SLC26A8: variants seen among roughly 807,000 people sequenced by gnomAD.
The protein encoded by SLC26A8 is testis anion transporter 1.
Under a neutral mutation model 105.0 loss-of-function variants are expected in SLC26A8, and 70 were observed. The observed-to-expected ratio is 0.67, with a 90% CI of 0.55 to 0.81. The LOEUF (loss-of-function observed/expected upper bound fraction) is 0.81, where lower values mean the gene tolerates loss of function less well. SLC26A8 is among the 40% of genes least tolerant of loss of function. SLC26A8 has a pLI of 0.00. For synonymous variants in SLC26A8, 415 were observed against 438.3 expected (o/e 0.95, Z 0.66); for missense variants, 998 against 1,181.8 (o/e 0.84, Z 2.28).
In SLC26A8 at chr6:35,981,216, A is replaced by G. The variant is rs1307358604; in HGVS notation, c.1025+905T>C. Among the ~76,000 whole-genome samples the G allele has an allele frequency of 1.3e-5, 2 of 152,214 alleles. No homozygotes were observed. The highest frequency in any genetic ancestry group is 2.9e-5 in the Non-Finnish European group (2 of 68,030). On this transcript the variant is annotated intron_variant, in intron 8 of 19. Coordinates refer to ENST00000490799, the MANE Select transcript of SLC26A8 (RefSeq NM_052961.4). This position sits in a 1 kb window ranked among gnomAD's most constrained non-coding sequence, Gnocchi z 4.0. The stretch of plus-strand genomic sequence containing the variant: ...TTAAAAAAAATAATTTCCTAACAGA[A>G]GCAAGAGCCATGCCTCATAGTCACT...
chr6:35,944,347 T>C lies in SLC26A8; in HGVS notation c.2473-7A>G. On this transcript the variant is annotated splice_polypyrimidine_tract_variant and splice_region_variant and intron_variant, in intron 19 of 19. Transcript: ENST00000490799. ...TATATCTTGAATTGTCATTCTGAAA[T>C]ACAATTAGGTGGGTTAAAATTTCTA... 1 of 1,576,544 alleles carries C rather than the reference T, an allele frequency of 6.3e-7. No individual in the cohort carries two copies. The highest frequency in any genetic ancestry group is 8.7e-7 in the Non-Finnish European group (1 of 1,147,740).
chr6:35,988,202 T>A (rs1773608416), intron 7 of SLC26A8, among the ~76,000 whole-genome samples: 2 of 152,182 alleles, frequency 1.3e-5, no homozygotes, highest in South Asian at 4.1e-4. Flanking sequence ...TGAGCCACCG[T>A]GCCCGGCCCC....
chr6:36,023,365 A>G (rs1762174464), intron 1 of SLC26A8, among the ~76,000 whole-genome samples: 1 of 152,086 alleles, frequency 6.6e-6, no homozygotes, highest in South Asian at 2.1e-4. Context: ...CCTGGCCAAC[A>G]TGGTGAAACC....
intron 16 of SLC26A8, 76 bp downstream of exon 16, chr6:35,959,384 T>G: frequency 6.8e-7 from 1 of 1,480,690 alleles, no homozygotes; most frequent in East Asian, 2.4e-5. Context: ...GGTTTTGATT[T>G]TTTTTTTAAG....
chr6:35,949,540 A>AT, intron 19 of SLC26A8, among the ~76,000 whole-genome samples: 1 of 152,256 alleles, frequency 6.6e-6, no homozygotes, highest in East Asian at 1.9e-4. Flanking sequence ...AATCTAGAAA[A>AT]TGTGTCTTAT....
intron 3 of SLC26A8, among the ~76,000 whole-genome samples, chr6:36,004,874 C>A (rs905690741): frequency 6.7e-6 from 1 of 148,642 alleles, no homozygotes; most frequent in Non-Finnish European, 1.5e-5. Flanking sequence ...CCATGTTGCC[C>A]AGTCTGGTCT....
intron 3 of SLC26A8, among the ~76,000 whole-genome samples, chr6:36,001,691 T>C (rs1761528293): frequency 6.6e-6 from 1 of 152,244 alleles, no homozygotes; most frequent in Non-Finnish European, 1.5e-5. Flanking sequence ...GTTTAATGCT[T>C]TGCTGTCACT....
chr6:36,023,474 G>C (rs1762177429), intron 1 of SLC26A8, among the ~76,000 whole-genome samples: 1 of 149,812 alleles, frequency 6.7e-6, no homozygotes, highest in African/African-American at 2.5e-5. Context: ...TTGAACCTAG[G>C]AGGCAGAGGT....
In SLC26A8 at chr6:35,962,725, T is replaced by C. The variant is rs1452033738; in HGVS notation, c.1366-104A>G. On this transcript the variant is annotated intron_variant, in intron 11 of 19. Coordinates refer to ENST00000490799, the MANE Select transcript of SLC26A8 (RefSeq NM_052961.4). ...AAGTTAGCCTTGCCACTTTGAGATA[T>C]TTTGCATTGATATTTTATATGAATA... The C allele has an allele frequency of 5.2e-6, 5 of 967,276 alleles. No individual in the cohort carries two copies. The East Asian group carries it at 1.0e-4, about 19-fold the overall frequency. The allele number at this position is 967,276 out of a possible 1,614,324, so 59.9% of individuals were successfully genotyped here.
chr6:35,974,769 T>A (rs1772930896), intron 10 of SLC26A8, among the ~76,000 whole-genome samples: 1 of 152,178 alleles, frequency 6.6e-6, no homozygotes, highest in African/African-American at 2.4e-5. Context: ...CGGAATCTCA[T>A]TCTGCCACCC....
chr6:35,944,528 A>T (rs533050353), intron 19 of SLC26A8, among the ~76,000 whole-genome samples, 188 bp from the exon 20 acceptor site: 24 of 144,572 alleles, frequency 1.7e-4, no homozygotes, highest in East Asian at 8.0e-4. Context: ...TAATAATTAT[A>T]ATTATTATAT....
Position 35,960,908 on chromosome 6 carries a change from T to G in SLC26A8, c.1573A>C (p.Lys525Gln). ...FITTVRSHRA[K>Q]ILLLGQIPNT... Reference sequence around the variant, plus strand: ...GGGATTTGACCCAGGAGAAGAATCTTAGCTCTGAAAGGAAATGCACTTGCC... The same window carrying G: ...GGGATTTGACCCAGGAGAAGAATCTGAGCTCTGAAAGGAAATGCACTTGCC... Residue 525 changes from lysine (K) to glutamine (Q), a missense_variant, in exon 14 of 20, where the codon AAG becomes CAG. By Grantham distance (53) the Lys-to-Gln change is moderately conservative (BLOSUM62 1). Coordinates refer to ENST00000490799, the MANE Select transcript of SLC26A8 (RefSeq NM_052961.4). The G allele has an allele frequency of 6.2e-7, 1 of 1,614,186 alleles. No individual in the cohort carries two copies. The highest frequency in any genetic ancestry group is 8.5e-7 in the Non-Finnish European group (1 of 1,180,040).
intron 11 of SLC26A8, among the ~76,000 whole-genome samples, chr6:35,963,409 G>A (rs952300782): frequency 6.6e-6 from 1 of 152,102 alleles, no homozygotes; most frequent in Admixed American, 6.5e-5. Context: ...CTAAGCTCCC[G>A]CCTTAAGGTC....
chr6:35,975,419 T>A lies in SLC26A8; in HGVS notation c.1243A>T (p.Ile415Phe), dbSNP rs757570864. Residue 415 changes from isoleucine (I) to phenylalanine (F), a missense_variant, in exon 10 of 20, where the codon ATT becomes TTT. Transcript: ENST00000490799. ...FFRSCVFTGA[I>F]ARTIIQDKSG... The stretch of plus-strand genomic sequence containing the variant: ...TTATCCTGGATAATAGTCCTAGCAA[T>A]AGCACCAGTAAACACACAAGATCTG... The A allele has an allele frequency of 6.2e-7, 1 of 1,613,624 alleles. No homozygotes were observed. Among genetic ancestry groups the A allele is most frequent in the South Asian group, 1.1e-5 (1 of 91,044 alleles).
chr6:35,980,940 A>T (rs556084649), intron 8 of SLC26A8, among the ~76,000 whole-genome samples: 10 of 152,080 alleles, frequency 6.6e-5, no homozygotes, highest in African/African-American at 2.4e-4. Flanking sequence ...TGAACCCGGG[A>T]GGTGGAGGTT....
chr6:35,977,054 T>G, intron 9 of SLC26A8, 150 bp downstream of exon 9: 5 of 769,472 alleles, frequency 6.5e-6, no homozygotes, highest in Non-Finnish European at 1.0e-5. Flanking sequence ...AAGTTAAGTA[T>G]CCCTCACCTC....
intron 2 of SLC26A8, among the ~76,000 whole-genome samples, chr6:36,017,550 C>T (rs925065774): frequency 2.6e-5 from 4 of 151,890 alleles, no homozygotes; most frequent in Non-Finnish European, 4.4e-5. Flanking sequence ...GAGAATTGCT[C>T]GAACCTGGGA....
intron 16 of SLC26A8, 139 bp from the exon 17 acceptor site, chr6:35,955,659 TTTTTACTTGGATATCTG>T: frequency 9.0e-7 from 1 of 1,113,814 alleles, no homozygotes; most frequent in Non-Finnish European, 1.3e-6. Flanking sequence ...TACTGTGCAT[TTTTTACTTGGATATCTG>T]TCACTTCAAG....
At chr6:35,991,419 A>AC (rs1761151122) in intron 7 of SLC26A8, among the ~76,000 whole-genome samples, 2 of 151,960 alleles carry the variant, frequency 1.3e-5, no homozygotes, top group African/African-American at 4.8e-5. Context: ...AAAAAAAAAA[A>AC]AACTTGATTT....
Sources: allele counts gnomAD v4.1 joint callset (sites outside exome capture counted in the v4.1 genomes callset), GRCh38; gene constraint gnomAD v4.1.1; non-coding constraint Gnocchi (gnomAD v3.1); transcripts MANE v1.5; gene names NCBI Gene and HGNC (gene_info 2026-07-23, HGNC 2026-07-21).